The following BCL2L11 variants were observed in gnomAD, a reference collection of about 807,000 sequenced individuals.
BCL2L11 encodes BCL2 like 11.
A neutral mutation model predicts 20.6 loss-of-function variants in BCL2L11; 15 were observed. The ratio of observed to expected loss-of-function variants is 0.73; its 90% CI spans 0.49 to 1.12. The LOEUF (loss-of-function observed/expected upper bound fraction) is 1.12, where lower values mean the gene tolerates loss of function less well. Ranked by LOEUF, BCL2L11 falls within the 50% of genes most tolerant of loss-of-function variation. The pLI is 0.00. For synonymous variants in BCL2L11, 108 were observed against 92.8 expected (o/e 1.16, Z -0.94); for missense variants, 292 against 260.9 (o/e 1.12, Z -0.82).
At chr2:111,137,633 CTTTT>C (rs575699231) in intron 2 of BCL2L11, among the ~76,000 whole-genome samples, 2,901 of 132,908 alleles carry the variant, frequency 0.022, 61 homozygotes, top group Middle Eastern at 0.049. Context: ...TTCCTCCCCA[CTTTT>C]TTTTTTTTTT....
At chr2:111,122,675 C>A in intron 1 of BCL2L11, 1 of 982,790 alleles carries the variant, frequency 1.0e-6, no homozygotes, top group South Asian at 4.5e-5. Context: ...CGGCTGCGGC[C>A]GGGGCAGCGC....
chr2:111,129,732 C>T (rs2073504937), intron 2 of BCL2L11, among the ~76,000 whole-genome samples: 1 of 152,204 alleles, frequency 6.6e-6, no homozygotes, highest in Non-Finnish European at 1.5e-5. Flanking sequence ...AACTCCACCA[C>T]AAGGATTTCT....
intron 1 of BCL2L11, among the ~76,000 whole-genome samples, chr2:111,121,568 C>A (rs1282743332): frequency 6.6e-6 from 1 of 152,188 alleles, no homozygotes; most frequent in African/African-American, 2.4e-5. Flanking sequence ...TGGAAAGTCT[C>A]GCCGCCGGCT....
intron 3 of BCL2L11, among the ~76,000 whole-genome samples, chr2:111,161,121 C>G (rs2078497503): frequency 1.3e-5 from 2 of 152,200 alleles, no homozygotes; most frequent in East Asian, 3.9e-4. Context: ...TAGAGCCCAC[C>G]CCACAGTGAC....
chr2:111,121,389 G>C (rs530970245), intron 1 of BCL2L11, among the ~76,000 whole-genome samples: 2 of 152,308 alleles, frequency 1.3e-5, no homozygotes, highest in South Asian at 2.1e-4. Flanking sequence ...AAGAAAAGTC[G>C]TTCACGCGGA....
rs922209666 is a variant in BCL2L11 at position 111,167,105 on chromosome 2, C to T, written c.*2874C>T. On this transcript the variant is annotated 3_prime_UTR_variant, in exon 4 of 4. Transcript: ENST00000393256. ...TGTAGAAATATTGTATATTTATTTT[C>T]TGCTTATTTAATGTCTTAATTTCTG... The T allele has an allele frequency of 2.6e-5, 4 of 152,480 alleles. No homozygotes were observed. The highest frequency in any genetic ancestry group is 5.9e-5 in the Non-Finnish European group (4 of 68,014). The allele number at this position is 152,480 out of a possible 1,614,324, so 9.4% of individuals were successfully genotyped here.
intron 3 of BCL2L11, among the ~76,000 whole-genome samples, chr2:111,163,861 C>CTTTTTT: frequency 9.6e-6 from 1 of 104,700 alleles, no homozygotes; most frequent in Middle Eastern, 6.8e-3. Flanking sequence ...TTTTTGAGTG[C>CTTTTTT]TTTTTTTTTT....
chr2:111,131,241 T>TG (rs1194488535), intron 2 of BCL2L11: 2 of 3,260 alleles, frequency 6.1e-4, no homozygotes, highest in Non-Finnish European at 1.8e-3. Context: ...GTGGGGGGGA[T>TG]GGGGGGCGGG....
intron 3 of BCL2L11, among the ~76,000 whole-genome samples, chr2:111,157,415 G>A (rs956448367): frequency 1.1e-4 from 16 of 152,188 alleles, no homozygotes; most frequent in African/African-American, 2.4e-4. Context: ...ACTATGTTAC[G>A]TCTCACTTAG....
At chr2:111,127,788 G>C (rs1216705381) in intron 2 of BCL2L11, among the ~76,000 whole-genome samples, 1 of 152,092 alleles carries the variant, frequency 6.6e-6, no homozygotes, top group African/African-American at 2.4e-5. Context: ...CTTGACATAG[G>C]ACTAGTCTGA....
chr2:111,146,528 G>C (rs2076534361), intron 2 of BCL2L11, among the ~76,000 whole-genome samples: 1 of 152,150 alleles, frequency 6.6e-6, no homozygotes, highest in Non-Finnish European at 1.5e-5. Context: ...GCACGCTTTT[G>C]GAAGACCATA....
intron 2 of BCL2L11, among the ~76,000 whole-genome samples, chr2:111,140,343 T>C (rs1490169164): frequency 6.6e-6 from 1 of 152,218 alleles, no homozygotes; most frequent in Non-Finnish European, 1.5e-5. Flanking sequence ...CTATTTGAAA[T>C]ACCTTGGGGC....
chr2:111,150,185 C>T, intron 3 of BCL2L11, 38 bp downstream of exon 3: 2 of 1,602,582 alleles, frequency 1.2e-6, no homozygotes, highest in Non-Finnish European at 1.7e-6. Context: ...CTGCTCACAC[C>T]CTCCCCTTCC....
intron 1 of BCL2L11, chr2:111,122,912 G>A: frequency 1.0e-6 from 1 of 985,368 alleles, no homozygotes; most frequent in Non-Finnish European, 1.2e-6. Context: ...GCTCTGAAGG[G>A]AAGGCGCGGA....
chr2:111,134,592 C>T (rs575752673), intron 2 of BCL2L11, among the ~76,000 whole-genome samples: 25 of 152,284 alleles, frequency 1.6e-4, no homozygotes, highest in Admixed American at 9.1e-4. Context: ...TACCAATAGT[C>T]GCTTCCATTT....
chr2:111,162,024 C>T (rs988142277), intron 3 of BCL2L11, among the ~76,000 whole-genome samples: 10 of 152,136 alleles, frequency 6.6e-5, no homozygotes, highest in Non-Finnish European at 1.5e-4. Flanking sequence ...CACCAGGCCC[C>T]GACTATAAGC....
chr2:111,157,445 C>G (rs3789065), intron 3 of BCL2L11, among the ~76,000 whole-genome samples: 62,617 of 152,028 alleles, frequency 0.41, 13,463 homozygotes, highest in Non-Finnish European at 0.48. Context: ...GAGGCTGAAA[C>G]ATTTTGGAAC....
At chr2:111,146,580 T>C (rs1202656253) in intron 2 of BCL2L11, among the ~76,000 whole-genome samples, 1 of 152,168 alleles carries the variant, frequency 6.6e-6, no homozygotes, top group Non-Finnish European at 1.5e-5. Flanking sequence ...AGCAAACTGA[T>C]GCTAAAGGAA....
chr2:111,159,086 G>A (rs188010953), intron 3 of BCL2L11, among the ~76,000 whole-genome samples: 16 of 152,290 alleles, frequency 1.1e-4, no homozygotes, highest in Non-Finnish European at 1.5e-4. Context: ...TGTGGCCTCA[G>A]CTCAGCCTGA....
Sources: gnomAD v4.1 joint callset for allele counts (sites outside exome capture counted in the v4.1 genomes callset) on GRCh38, gnomAD v4.1.1 for gene constraint, MANE v1.5 for transcripts, NCBI Gene and HGNC (gene_info 2026-07-23, HGNC 2026-07-21) for gene names.